LRP6: variants seen among roughly 807,000 people sequenced by gnomAD.
The protein encoded by LRP6 is LDL receptor related protein 6.
A neutral mutation model predicts 184.1 loss-of-function variants in LRP6; 43 were observed. The ratio of observed to expected loss-of-function variants is 0.23; its 90% CI spans 0.18 to 0.30. The LOEUF (loss-of-function observed/expected upper bound fraction) is 0.30, where lower values mean the gene tolerates loss of function less well. Among genes scored for constraint, LRP6 ranks in the 10% least tolerant of loss-of-function variants. LRP6 has a pLI of 1.00. For missense variants in LRP6, 1,571 were observed against 2,005.3 expected, an observed-to-expected ratio of 0.78 and a Z score of 4.14; for synonymous variants, 719 against 684.9, an observed-to-expected ratio of 1.05 and a Z score of -0.78.
chr12:12,121,499 GATGTCAACTACCCT>G (rs1264531078), intron 22 of LRP6, 79 bp from the exon 23 acceptor site: 20 of 1,288,734 alleles, frequency 1.6e-5, no homozygotes, highest in Non-Finnish European at 2.0e-5. Flanking sequence ...AGAGGTATTA[GATGTCAACTACCCT>G]ATGAAAACAA....
chr12:12,145,925 C>G (rs1002607575), intron 15 of LRP6, among the ~76,000 whole-genome samples: 2 of 152,114 alleles, frequency 1.3e-5, no homozygotes, highest in African/African-American at 4.8e-5. Context: ...AGCCACCACA[C>G]CTGGCCTGAG....
chr12:12,172,020 A>C (rs1334680776), intron 7 of LRP6, among the ~76,000 whole-genome samples: 1 of 152,250 alleles, frequency 6.6e-6, no homozygotes, highest in Non-Finnish European at 1.5e-5. Flanking sequence ...GAACAAATGA[A>C]CCACTTTAGG....
At chr12:12,249,489 G>T in intron 1 of LRP6, 1 of 641,648 alleles carries the variant, frequency 1.6e-6, no homozygotes, top group Non-Finnish European at 2.8e-6. Context: ...AAAACCACAG[G>T]CCCTTCCTCT....
chr12:12,142,690 C>T (rs1181137514), intron 15 of LRP6, among the ~76,000 whole-genome samples: 1 of 152,056 alleles, frequency 6.6e-6, no homozygotes. Context: ...GGTAATCCTT[C>T]TCATGAGCGT....
intron 7 of LRP6, among the ~76,000 whole-genome samples, chr12:12,171,486 C>A (rs1863041571): frequency 6.6e-6 from 1 of 151,466 alleles, no homozygotes; most frequent in Non-Finnish European, 1.5e-5. Context: ...TGTGCCACTG[C>A]ACTCCAGCCT....
intron 13 of LRP6, among the ~76,000 whole-genome samples, chr12:12,150,236 T>C (rs1950063842): frequency 6.6e-6 from 1 of 152,202 alleles, no homozygotes; most frequent in Non-Finnish European, 1.5e-5. Flanking sequence ...GTAAGATTTA[T>C]TGATAATATC....
chr12:12,257,158 G>C (rs150953975), intron 1 of LRP6, among the ~76,000 whole-genome samples: 1 of 152,136 alleles, frequency 6.6e-6, no homozygotes, highest in Non-Finnish European at 1.5e-5. Flanking sequence ...GATGATAAGC[G>C]TTCTGGAATG....
intron 3 of LRP6, among the ~76,000 whole-genome samples, chr12:12,202,919 A>C (rs1348605988): frequency 6.6e-6 from 1 of 152,210 alleles, no homozygotes; most frequent in African/African-American, 2.4e-5. Context: ...ATTTCCAAAC[A>C]AAGGCAGTAA....
intron 2 of LRP6, among the ~76,000 whole-genome samples, chr12:12,241,897 T>C (rs1865076356): frequency 6.6e-6 from 1 of 152,162 alleles, no homozygotes; most frequent in African/African-American, 2.4e-5. Flanking sequence ...ATAACAAGGA[T>C]AAATTAAAGC....
At chr12:12,256,916 C>T (rs1171288194) in intron 1 of LRP6, among the ~76,000 whole-genome samples, 1 of 152,102 alleles carries the variant, frequency 6.6e-6, no homozygotes, top group Non-Finnish European at 1.5e-5. Flanking sequence ...TTAATATATC[C>T]ATACAATGGA....
rs765224777 is a variant in LRP6, at chr12:12,187,131, A to G, written c.648-12T>C. The G allele has an allele frequency of 1.2e-6, 2 of 1,612,284 alleles. No homozygotes were observed. The highest frequency in any genetic ancestry group is 1.7e-6 in the Non-Finnish European group (2 of 1,178,686). ...TAACCACTGCCTGCCTATTAACATA[A>G]AGAGAAAAATTTAAACTTATTTCTA... On this transcript the variant is annotated splice_polypyrimidine_tract_variant and intron_variant, in intron 3 of 22. Transcript: ENST00000261349.
rs77254004 is a variant in LRP6 at position 12,127,130 on chromosome 12, C to T, written c.4082-209G>A. Among the ~76,000 whole-genome samples, 803 of 152,132 alleles carry T rather than the reference C, an allele frequency of 5.3e-3. 6 individuals carry two copies. The highest frequency in any genetic ancestry group is 0.018 in the African/African-American group (751 of 41,476). On this transcript the variant is annotated intron_variant, in intron 19 of 22. Coordinates refer to ENST00000261349, the MANE Select transcript of LRP6 (RefSeq NM_002336.3). ...TCATTAGGAATCAAAATGAACTACCCTTAAATGAAGACAGAAATAAAACAA... is the reference window on the plus strand; with the variant it reads ...TCATTAGGAATCAAAATGAACTACCTTTAAATGAAGACAGAAATAAAACAA...
At chr12:12,233,847 T>G (rs1488739661) in intron 2 of LRP6, among the ~76,000 whole-genome samples, 2 of 152,016 alleles carry the variant, frequency 1.3e-5, no homozygotes, top group African/African-American at 2.4e-5. Flanking sequence ...CTTTAAAATA[T>G]CTCAGCTAAT....
At chr12:12,124,908 G>A (rs78862928) in intron 21 of LRP6, among the ~76,000 whole-genome samples, 1,706 of 152,166 alleles carry the variant, frequency 0.011, 35 homozygotes, top group African/African-American at 0.039. Context: ...AAAATCATTG[G>A]TCAGTACATT....
At chr12:12,211,998 A>C (rs1034962050) in intron 2 of LRP6, among the ~76,000 whole-genome samples, 2 of 152,320 alleles carry the variant, frequency 1.3e-5, no homozygotes, top group Non-Finnish European at 2.9e-5. Context: ...ATTAACTGTC[A>C]GGAATGCCCC....
At chr12:12,258,760 T>C (rs1865536396) in intron 1 of LRP6, among the ~76,000 whole-genome samples, 1 of 152,228 alleles carries the variant, frequency 6.6e-6, no homozygotes, top group African/African-American at 2.4e-5. Context: ...ACTGGATATA[T>C]GGATATACAG....
chr12:12,133,818 C>A (rs1286375125), intron 17 of LRP6, among the ~76,000 whole-genome samples: 1 of 126,764 alleles, frequency 7.9e-6, no homozygotes, highest in Non-Finnish European at 1.5e-5. Flanking sequence ...ACTCCAGCAC[C>A]CTGATAGGGA....
chr12:12,157,378 TCTAA>T (rs1176564869), intron 12 of LRP6, among the ~76,000 whole-genome samples: 3 of 152,140 alleles, frequency 2.0e-5, no homozygotes, highest in East Asian at 1.9e-4. Context: ...ACCACACTGG[TCTAA>T]CTGACTTCCC....
intron 10 of LRP6, among the ~76,000 whole-genome samples, chr12:12,160,197 C>T (rs1030436619): frequency 5.7e-4 from 86 of 152,144 alleles, no homozygotes; most frequent in African/African-American, 2.1e-3. Flanking sequence ...CTTTCCAATA[C>T]ATTTGTTCCA....
Sources: allele counts gnomAD v4.1 joint callset (sites outside exome capture counted in the v4.1 genomes callset), GRCh38; gene constraint gnomAD v4.1.1; transcripts MANE v1.5; gene names NCBI Gene and HGNC (gene_info 2026-07-23, HGNC 2026-07-21).